Variants in TAF1B observed in about 807,000 individuals in gnomAD.
TAF1B encodes the protein TATA-box binding protein associated factor, RNA polymerase I subunit B, also known as TATA box-binding protein-associated factor RNA polymerase I subunit B.
In TAF1B, 61 loss-of-function variants were observed where a neutral mutation model predicts 83.9. The ratio of observed to expected loss-of-function variants is 0.73; its 90% CI spans 0.59 to 0.90. The LOEUF is 0.90. TAF1B is among the 40% of genes least tolerant of loss of function. The pLI is 0.00. For synonymous variants in TAF1B, 221 were observed against 224.6 expected (o/e 0.98, Z 0.14); for missense variants, 625 against 677.0 (o/e 0.92, Z 0.85).
intron 8 of TAF1B, among the ~76,000 whole-genome samples, chr2:9,884,500 T>TATTGAGCG (rs1358823145): frequency 5.3e-5 from 8 of 152,206 alleles, no homozygotes; most frequent in Non-Finnish European, 8.8e-5. Flanking sequence ...AGAGGAGCTT[T>TATTGAGCG]ATTGAGCGAC....
chr2:9,896,113 C>G (rs779711111), intron 8 of TAF1B, among the ~76,000 whole-genome samples: 2 of 152,058 alleles, frequency 1.3e-5, no homozygotes, highest in Non-Finnish European at 2.9e-5. Context: ...ATGAAATGGA[C>G]CTGTATCACT....
chr2:9,854,102 C>T (rs1326304311), intron 4 of TAF1B, among the ~76,000 whole-genome samples: 4 of 152,208 alleles, frequency 2.6e-5, no homozygotes, highest in African/African-American at 9.7e-5. Flanking sequence ...ACTGGTTCAA[C>T]ATACTAATCC....
chr2:9,913,378 C>T (rs1665590801), intron 12 of TAF1B, 129 bp downstream of exon 12: 3 of 632,720 alleles, frequency 4.7e-6, no homozygotes, highest in Non-Finnish European at 8.1e-6. Context: ...AATATTAGCC[C>T]TACACTCTAA....
At chr2:9,894,298 AG>A (rs992172848) in intron 8 of TAF1B, among the ~76,000 whole-genome samples, 1 of 152,186 alleles carries the variant, frequency 6.6e-6, no homozygotes, top group African/African-American at 2.4e-5. Flanking sequence ...TCACATAGGT[AG>A]GAAATTTCTA....
chr2:9,875,304 G>A (rs927367492), intron 6 of TAF1B, among the ~76,000 whole-genome samples: 10 of 152,098 alleles, frequency 6.6e-5, no homozygotes, highest in African/African-American at 2.4e-4. Context: ...CACTCCTACA[G>A]ATATCCCATG....
intron 5 of TAF1B, among the ~76,000 whole-genome samples, chr2:9,864,038 C>G (rs1244471700): frequency 2.0e-5 from 3 of 151,990 alleles, no homozygotes; most frequent in Admixed American, 2.0e-4. Flanking sequence ...ATTAAAAGAA[C>G]TAGAGAAACA....
rs745418967 is a variant in TAF1B, at chr2:9,868,335, T to C, written c.459T>C (p.Asp153=). 29 of 1,614,112 alleles carry C rather than the reference T, an allele frequency of 1.8e-5. No homozygotes were observed. Among genetic ancestry groups the C allele is most frequent in the Non-Finnish European group, 1.9e-5 (22 of 1,180,040 alleles). ...CTAGTGAGCCTGAGCTGCTAAGTGA[T>C]GTCAGCTGTCCTCCTTTTCTTGAAA... ...DWASEPELLS[D]VSCPPFLESG... is the part of the protein sequence containing the mutation. The change falls in exon 6 of 15, where the codon GAT becomes GAC. Residue 153 remains aspartate, a synonymous_variant. Coordinates refer to ENST00000263663, the MANE Select transcript of TAF1B (RefSeq NM_005680.3).
intron 8 of TAF1B, 32 bp downstream of exon 8, chr2:9,882,837 C>G (rs1664553107): frequency 1.4e-6 from 2 of 1,468,644 alleles, no homozygotes; most frequent in East Asian, 4.6e-5. Flanking sequence ...TTTCTAGTCT[C>G]TGATAAGGCA....
At chr2:9,878,734 T>A (rs754838489) in intron 7 of TAF1B, among the ~76,000 whole-genome samples, 1 of 152,174 alleles carries the variant, frequency 6.6e-6, no homozygotes, top group Non-Finnish European at 1.5e-5. Flanking sequence ...TTGTGAATCA[T>A]ATAGGTCAAG....
Position 9,929,643 on chromosome 2 carries a change from C to A in TAF1B, c.1566-4140C>A, listed in dbSNP as rs1375596215. 3.3e-5 allele frequency among the ~76,000 whole-genome samples: 5 copies of A among 152,222 alleles called. No homozygotes were observed. In the East Asian group the frequency reaches 9.6e-4, roughly 29 times the overall value. The stretch of plus-strand genomic sequence containing the variant: ...TCATCAAGGATATTGATCTAAAATT[C>A]TCTTTTTTTGTTGTGTCTCTGCCAG... On this transcript the variant is annotated intron_variant, in intron 14 of 14. Coordinates refer to ENST00000263663, the MANE Select transcript of TAF1B (RefSeq NM_005680.3).
chr2:9,885,713 C>G (rs997118304), intron 8 of TAF1B, among the ~76,000 whole-genome samples: 7 of 151,970 alleles, frequency 4.6e-5, no homozygotes, highest in Admixed American at 1.3e-4. Flanking sequence ...CAATGTCTTT[C>G]TTCTGTATGT....
intron 12 of TAF1B, among the ~76,000 whole-genome samples, chr2:9,915,355 A>G (rs2125175673): frequency 6.6e-6 from 1 of 152,314 alleles, no homozygotes; most frequent in Non-Finnish European, 1.5e-5. Flanking sequence ...AACTTAAACG[A>G]ATAAGAAGCT....
intron 5 of TAF1B, among the ~76,000 whole-genome samples, chr2:9,854,745 A>C (rs1333542908): frequency 6.6e-6 from 1 of 152,182 alleles, no homozygotes; most frequent in Non-Finnish European, 1.5e-5. Context: ...TAATTTAATA[A>C]TGTATTTATT....
At position 9,896,299 on chromosome 2, in the gene TAF1B, A is replaced by G. The variant is rs554854306; in HGVS notation, c.808-8560A>G. ...TTTAATTGACAGGCAGCTTTTCTTC[A>G]TTGTGTGCTTTTTGCTATTGCTCAC... On this transcript the variant is annotated intron_variant, in intron 8 of 14. Coordinates refer to ENST00000263663, the MANE Select transcript of TAF1B (RefSeq NM_005680.3). 2.6e-5 allele frequency among the ~76,000 whole-genome samples: 4 copies of G among 152,082 alleles called. No homozygotes were observed. The South Asian group carries it at 8.3e-4, about 32-fold the overall frequency.
intron 7 of TAF1B, among the ~76,000 whole-genome samples, chr2:9,880,388 G>A (rs1250118383): frequency 6.7e-6 from 1 of 148,154 alleles, no homozygotes; most frequent in East Asian, 2.0e-4. Flanking sequence ...ATAATACCTA[G>A]GAAGGGAAAT....
At position 9,843,573 on chromosome 2, in the gene TAF1B, G is replaced by A; in HGVS notation, c.18+14G>A. 6.6e-7 allele frequency: 1 copy of A among 1,518,278 alleles called. No homozygotes were observed. Among genetic ancestry groups the A allele is most frequent in the East Asian group, 2.7e-5 (1 of 37,452 alleles). 94.1% of individuals were successfully genotyped at this position (1,518,278 alleles called of 1,614,324 possible). On this transcript the variant is annotated intron_variant, in intron 1 of 14. Coordinates refer to ENST00000263663, the MANE Select transcript of TAF1B (RefSeq NM_005680.3). ...CTCGAGGAGGCGGTAAGGAGGCGGTGCACCTGGCGGGCCACGATCGCCGGG... is the reference window on the plus strand; with the variant it reads ...CTCGAGGAGGCGGTAAGGAGGCGGTACACCTGGCGGGCCACGATCGCCGGG...
At chr2:9,928,590 G>T (rs1307598477) in intron 14 of TAF1B, among the ~76,000 whole-genome samples, 1 of 152,132 alleles carries the variant, frequency 6.6e-6, no homozygotes, top group Non-Finnish European at 1.5e-5. Context: ...TTGTAAGTTG[G>T]ATTCCTAGGT....
At chr2:9,873,597 A>G (rs1046633432) in intron 6 of TAF1B, among the ~76,000 whole-genome samples, 9 of 145,392 alleles carry the variant, frequency 6.2e-5, no homozygotes, top group African/African-American at 2.3e-4. Context: ...TAATTCTAAC[A>G]TTGATTTCGC....
intron 14 of TAF1B, among the ~76,000 whole-genome samples, chr2:9,931,079 TC>T (rs1666196227): frequency 1.3e-5 from 2 of 152,304 alleles, no homozygotes; most frequent in South Asian, 4.1e-4. Context: ...GTGAGATGGG[TC>T]TCCTGAATAC....
Sources: gnomAD v4.1 joint callset for allele counts (sites outside exome capture counted in the v4.1 genomes callset) on GRCh38, gnomAD v4.1.1 for gene constraint, MANE v1.5 for transcripts, NCBI Gene and HGNC (gene_info 2026-07-23, HGNC 2026-07-21) for gene names.